Variants in SIPA1L1 observed in about 807,000 individuals in gnomAD.
SIPA1L1 encodes the protein signal-induced proliferation-associated 1-like protein 1.
In SIPA1L1, 26 loss-of-function variants were observed where a neutral mutation model predicts 162.7. That is an observed-to-expected ratio of 0.16 (90% CI 0.12 to 0.22). The LOEUF (loss-of-function observed/expected upper bound fraction) is 0.22, where lower values mean the gene tolerates loss of function less well. Ranked by LOEUF, SIPA1L1 falls within the 10% of genes least tolerant of loss-of-function variation. The pLI is 1.00. For synonymous variants in SIPA1L1, 829 were observed against 837.4 expected, an observed-to-expected ratio of 0.99 and a Z score of 0.17; for missense variants, 1,874 against 2,241.0, an observed-to-expected ratio of 0.84 and a Z score of 3.31.
At chr14:71,357,222 G>A (rs1427682699) in intron 2 of SIPA1L1, among the ~76,000 whole-genome samples, 1 of 151,956 alleles carries the variant, frequency 6.6e-6, no homozygotes, top group Admixed American at 6.6e-5. Context: ...CTTGGCTAAT[G>A]TTATAATTTT....
At chr14:71,502,255 A>AAATATATATAT (rs67020418) in intron 2 of SIPA1L1, among the ~76,000 whole-genome samples, 3 of 97,550 alleles carry the variant, frequency 3.1e-5, no homozygotes, top group African/African-American at 1.4e-4. Context: ...AAAAAAAAAA[A>AAATATATATAT]ATATATATAT....
intron 2 of SIPA1L1, among the ~76,000 whole-genome samples, chr14:71,492,954 C>T (rs1436044856): frequency 6.6e-6 from 1 of 151,978 alleles, no homozygotes; most frequent in African/African-American, 2.4e-5. Flanking sequence ...ACATTTACCT[C>T]CTTTTTTGTT....
rs910156271 is a variant in SIPA1L1, at chr14:71,705,311, G to A, written c.3736G>A (p.Val1246Ile). 6.8e-6 allele frequency: 11 copies of A among 1,613,890 alleles called. No homozygotes were observed. In the African/African-American group the frequency reaches 1.1e-4, roughly 16 times the overall value. The change falls in exon 16 of 24, where the codon GTT (valine) becomes ATT (isoleucine). Residue 1246 changes from valine to isoleucine, a missense_variant. By Grantham distance (29) the Val-to-Ile change is conservative. Coordinates refer to ENST00000381232, the MANE Select transcript of SIPA1L1 (RefSeq NM_001386936.1). The part of the protein sequence containing the change: ...SGRLMRQDPV[V>I]HLSPNKQGHS... ...GAGATTAATGCGGCAGGATCCAGTG[G>A]TTCATTTGTCTCCAAACAAACAAGG...
At chr14:71,596,278 G>C (rs1397799767) in intron 5 of SIPA1L1, among the ~76,000 whole-genome samples, 1 of 152,130 alleles carries the variant, frequency 6.6e-6, no homozygotes, top group Non-Finnish European at 1.5e-5. Context: ...CTCCTTGTTG[G>C]GGAGTAATAG....
Position 71,397,672 on chromosome 14 carries a change from C to T in SIPA1L1, c.-465+76491C>T, listed in dbSNP as rs148560290. Among the ~76,000 whole-genome samples, 346 of 152,304 alleles carry T rather than the reference C, an allele frequency of 2.3e-3. 2 individuals carry two copies. Among genetic ancestry groups the T allele is most frequent in the African/African-American group, 7.9e-3 (329 of 41,572 alleles). ...ATGGAATCCTTCCAGCCTTCCAGTG[C>T]CAATGCCTCAGTCTCTCTCCTTGCC... On this transcript the variant is annotated intron_variant, in intron 2 of 23. Coordinates refer to ENST00000381232, the MANE Select transcript of SIPA1L1 (RefSeq NM_001386936.1).
Position 71,691,323 on chromosome 14 carries a change from G to A in SIPA1L1, c.3374+5692G>A, listed in dbSNP as rs7145668. Among the ~76,000 whole-genome samples, 1,091 of 152,330 alleles carry A rather than the reference G, an allele frequency of 7.2e-3. 17 individuals are homozygous for A. Among genetic ancestry groups the A allele is most frequent in the African/African-American group, 0.025 (1,028 of 41,570 alleles). On this transcript the variant is annotated intron_variant, in intron 13 of 23. Transcript: ENST00000381232. The stretch of plus-strand genomic sequence containing the variant: ...TTTGCCTGTGTTGGCTGGGTGCTGT[G>A]GTTTATGCCTATAATCCCACCACTT...
chr14:71,619,275 T>C (rs1250336409), intron 6 of SIPA1L1, among the ~76,000 whole-genome samples: 1 of 152,138 alleles, frequency 6.6e-6, no homozygotes, highest in Non-Finnish European at 1.5e-5. Context: ...ACTGAAGACT[T>C]AATTCACTCT....
intron 2 of SIPA1L1, among the ~76,000 whole-genome samples, chr14:71,347,599 A>T (rs2140521346): frequency 1.3e-5 from 2 of 152,326 alleles, no homozygotes; most frequent in South Asian, 4.1e-4. Flanking sequence ...TGTTTTCCAA[A>T]GTGGCTGTAC....
At chr14:71,626,439 T>C (rs964009545) in intron 7 of SIPA1L1, among the ~76,000 whole-genome samples, 2 of 152,230 alleles carry the variant, frequency 1.3e-5, no homozygotes, top group Non-Finnish European at 2.9e-5. Flanking sequence ...TGTACTGAGA[T>C]AAAGCAGACG....
intron 5 of SIPA1L1, among the ~76,000 whole-genome samples, chr14:71,608,483 T>C (rs564307164): frequency 1.3e-5 from 2 of 152,306 alleles, no homozygotes; most frequent in Non-Finnish European, 2.9e-5. Flanking sequence ...TTTCCTAAGC[T>C]AATGTTTGAA....
At chr14:71,434,407 A>T (rs2044226272) in intron 2 of SIPA1L1, among the ~76,000 whole-genome samples, 1 of 152,210 alleles carries the variant, frequency 6.6e-6, no homozygotes, top group African/African-American at 2.4e-5. Context: ...TAAAAAGCTA[A>T]ATTTTATGTT....
intron 2 of SIPA1L1, among the ~76,000 whole-genome samples, chr14:71,499,794 A>G (rs891538071): frequency 2.6e-5 from 4 of 152,156 alleles, no homozygotes; most frequent in Non-Finnish European, 1.5e-5. Context: ...TCTTCATGAT[A>G]TTAAAGCAAA....
At chr14:71,543,900 A>ATG (rs1157788088) in intron 4 of SIPA1L1, among the ~76,000 whole-genome samples, 2 of 111,040 alleles carry the variant, frequency 1.8e-5, no homozygotes, top group Admixed American at 1.7e-4. Flanking sequence ...TCATACGTAT[A>ATG]TGTGTGTATA....
intron 2 of SIPA1L1, among the ~76,000 whole-genome samples, chr14:71,427,717 T>A (rs1467750275): frequency 6.6e-6 from 1 of 152,182 alleles, no homozygotes; most frequent in East Asian, 1.9e-4. Context: ...AGTGGATTTT[T>A]CATTTCTATT....
intron 13 of SIPA1L1, among the ~76,000 whole-genome samples, chr14:71,692,755 C>G (rs901038275): frequency 6.6e-6 from 1 of 152,202 alleles, no homozygotes; most frequent in Non-Finnish European, 1.5e-5. Context: ...CTCATCATTC[C>G]TTGGGCCTCG....
chr14:71,524,959 T>A (rs35589413), intron 3 of SIPA1L1, among the ~76,000 whole-genome samples: 31,384 of 152,094 alleles, frequency 0.21, 3,479 homozygotes, highest in Middle Eastern at 0.37. Context: ...TCCTTTCCTT[T>A]TTTTCTTTTC....
intron 15 of SIPA1L1, among the ~76,000 whole-genome samples, chr14:71,703,989 G>C (rs141472728): frequency 6.6e-6 from 1 of 152,048 alleles, no homozygotes; most frequent in East Asian, 1.9e-4. Context: ...CATCTTTTTT[G>C]TAAGGTATAC....
chr14:71,393,329 G>A (rs1457692934), intron 2 of SIPA1L1, among the ~76,000 whole-genome samples: 1 of 152,194 alleles, frequency 6.6e-6, no homozygotes, highest in Non-Finnish European at 1.5e-5. Flanking sequence ...AAAGAAAGAT[G>A]ATATTAATAT....
intron 2 of SIPA1L1, among the ~76,000 whole-genome samples, chr14:71,373,310 C>CAAAA (rs75480788): frequency 6.7e-5 from 5 of 74,118 alleles, no homozygotes; most frequent in East Asian, 4.2e-4. Context: ...GACTCCGTCT[C>CAAAA]AAAAAAAAAA....
Sources: gnomAD v4.1 joint callset for allele counts (sites outside exome capture counted in the v4.1 genomes callset) on GRCh38, gnomAD v4.1.1 for gene constraint, MANE v1.5 for transcripts, NCBI Gene and HGNC (gene_info 2026-07-23, HGNC 2026-07-21) for gene names.